Variants in CDKL5 observed in about 807,000 individuals in gnomAD.
CDKL5 encodes cyclin dependent kinase like 5, also known as cyclin-dependent kinase-like 5.
Under a neutral mutation model 61.7 loss-of-function variants are expected in CDKL5, and 8 were observed. The observed-to-expected ratio is 0.13, with a 90% CI of 0.08 to 0.23. The LOEUF is 0.23. Ranked by LOEUF, CDKL5 falls within the 10% of genes least tolerant of loss-of-function variation. The probability of loss-of-function intolerance (pLI) is 1.00; values close to 1 mark genes in which losing one functional copy is unlikely to be tolerated. For missense variants in CDKL5, 440 were observed against 734.5 expected, an observed-to-expected ratio of 0.60 and a Z score of 4.63; for synonymous variants, 275 against 272.3, an observed-to-expected ratio of 1.01 and a Z score of -0.10.
intron 1 of CDKL5, among the ~76,000 whole-genome samples, chrX:18,501,328 C>T (rs1271807955): frequency 9.1e-6 from 1 of 109,452 alleles, no homozygotes; most frequent in Non-Finnish European, 1.9e-5. Context: ...TGCCTGCCAC[C>T]GCACCTGGCT....
chrX:18,643,829 AATAT>A (rs755520723), downstream of CDKL5, among the ~76,000 whole-genome samples: 2 of 105,851 alleles, frequency 1.9e-5, no homozygotes, highest in African/African-American at 3.4e-5. Context: ...ATTCATAGCA[AATAT>A]ATATATATAT....
rs961667694 is a variant in CDKL5 at position 18,560,788 on chromosome X, C to T, written c.100-3689C>T. ...TTGATTCAAAAAATACACACACACA[C>T]ACACACACACACTCCTCTAAATATA... On this transcript the variant is annotated intron_variant, in intron 3 of 17. Coordinates refer to ENST00000623535, the MANE Select transcript of CDKL5 (RefSeq NM_001323289.2). Among the ~76,000 whole-genome samples, 3 of 110,925 alleles carry T rather than the reference C, an allele frequency of 2.7e-5. No individual in the cohort carries two copies. In the South Asian group the frequency reaches 1.1e-3, roughly 42 times the overall value.
chrX:18,650,313 G>A (rs2100001505), intron 20 of CDKL5: 6 of 786,366 alleles, frequency 7.6e-6, no homozygotes, highest in South Asian at 2.1e-5. Flanking sequence ...GGAAGGTGAC[G>A]CTCTCACTGT....
chrX:18,649,669 A>AC (rs779782471), intron 20 of CDKL5, among the ~76,000 whole-genome samples: 1 of 111,761 alleles, frequency 8.9e-6, no homozygotes, highest in Admixed American at 9.5e-5. Flanking sequence ...CCAGGACTCC[A>AC]CCCCAGAGCA....
At chrX:18,465,499 C>G (rs1457031783) in intron 1 of CDKL5, among the ~76,000 whole-genome samples, 1 of 110,550 alleles carries the variant, frequency 9.0e-6, no homozygotes, top group East Asian at 2.8e-4. Context: ...AACCCCGTCT[C>G]TACTAAAAAT....
intron 1 of CDKL5, among the ~76,000 whole-genome samples, chrX:18,454,495 A>G (rs1433175434): frequency 9.2e-6 from 1 of 108,126 alleles, no homozygotes; most frequent in Non-Finnish European, 1.9e-5. Flanking sequence ...TCGGCCTCCC[A>G]AAGTGCTGGG....
chrX:18,556,972 T>C (rs1350048033), intron 3 of CDKL5, among the ~76,000 whole-genome samples: 1 of 110,977 alleles, frequency 9.0e-6, no homozygotes, highest in Non-Finnish European at 1.9e-5. Context: ...TCTGTGTTTG[T>C]AGGGTTTTAC....
intron 1 of CDKL5, among the ~76,000 whole-genome samples, chrX:18,470,586 A>G (rs1415655840): frequency 2.7e-5 from 3 of 110,967 alleles, no homozygotes; most frequent in Non-Finnish European, 3.8e-5. Context: ...CACTGTGAGT[A>G]TTATGGGTAA....
intron 11 of CDKL5, among the ~76,000 whole-genome samples, chrX:18,600,089 C>T (rs1926131532): frequency 8.9e-6 from 1 of 112,170 alleles, no homozygotes; most frequent in African/African-American, 3.2e-5. Flanking sequence ...TGAGCCACCA[C>T]ACCTGGCCAA....
intron 1 of CDKL5, among the ~76,000 whole-genome samples, chrX:18,461,035 G>T (rs902650848): frequency 4.5e-5 from 5 of 112,323 alleles, no homozygotes; most frequent in Non-Finnish European, 9.4e-5. Flanking sequence ...ACAATGATTG[G>T]AGCAAAAGTT....
At chrX:18,474,687 A>G (rs1232423999) in intron 1 of CDKL5, among the ~76,000 whole-genome samples, 1 of 112,059 alleles carries the variant, frequency 8.9e-6, no homozygotes, top group Admixed American at 9.5e-5. Flanking sequence ...GTTTTGCTGT[A>G]CAGAATTGTG....
intron 15 of CDKL5, among the ~76,000 whole-genome samples, chrX:18,614,478 G>A (rs1470082908): frequency 8.9e-6 from 1 of 111,889 alleles, no homozygotes; most frequent in East Asian, 2.8e-4. Context: ...TTCCTCATGT[G>A]TAAAATAGGG....
At chrX:18,466,229 A>G (rs1920959901) in intron 1 of CDKL5, among the ~76,000 whole-genome samples, 1 of 111,830 alleles carries the variant, frequency 8.9e-6, no homozygotes, top group African/African-American at 3.2e-5. Flanking sequence ...TGAAAGATAA[A>G]AACTACACCC....
rs192973136 is a variant in CDKL5 at position 18,472,479 on chromosome X, T to C, written c.-162-34456T>C. Among the ~76,000 whole-genome samples the C allele has an allele frequency of 4.6e-4, 51 of 111,964 alleles. No homozygotes were observed. In the East Asian group the frequency reaches 0.013, roughly 29 times the overall value. Reference sequence around the variant, plus strand: ...TAACTTTTACATAGTCTTTGGTGGATTTAGGTTAAAAATACCCAAGCATGC... The same window carrying C: ...TAACTTTTACATAGTCTTTGGTGGACTTAGGTTAAAAATACCCAAGCATGC... On this transcript the variant is annotated intron_variant, in intron 1 of 17. Transcript: ENST00000623535.
intron 1 of CDKL5, among the ~76,000 whole-genome samples, chrX:18,460,375 C>A (rs959600295): frequency 1.8e-5 from 2 of 111,897 alleles, no homozygotes; most frequent in Middle Eastern, 4.6e-3. Flanking sequence ...TTAGAAACTG[C>A]ACCCATTGTC....
At chrX:18,494,788 T>C (rs1211054792) in intron 1 of CDKL5, among the ~76,000 whole-genome samples, 1 of 112,507 alleles carries the variant, frequency 8.9e-6, no homozygotes, top group Non-Finnish European at 1.9e-5. Flanking sequence ...TAACTCATGA[T>C]AATCAAATAT....
chrX:18,463,555 G>A (rs1166666081), intron 1 of CDKL5, among the ~76,000 whole-genome samples: 1 of 112,167 alleles, frequency 8.9e-6, no homozygotes, highest in Non-Finnish European at 1.9e-5. Flanking sequence ...TGATCAGTGT[G>A]CGTTTGGAAA....
At chrX:18,475,719 T>G (rs1196238952) in intron 1 of CDKL5, among the ~76,000 whole-genome samples, 1 of 112,698 alleles carries the variant, frequency 8.9e-6, no homozygotes, top group Non-Finnish European at 1.9e-5. Context: ...TTCTAATACT[T>G]AGTATTAATA....
chrX:18,584,463 A>G (rs1925580846), intron 8 of CDKL5, 110 bp downstream of exon 8: 2 of 560,591 alleles, frequency 3.6e-6, no homozygotes, highest in Non-Finnish European at 6.3e-6. Context: ...TAAATGTGTC[A>G]GTTACATATT....
Sources: allele counts gnomAD v4.1 joint callset (sites outside exome capture counted in the v4.1 genomes callset), GRCh38; gene constraint gnomAD v4.1.1; transcripts MANE v1.5; gene names NCBI Gene and HGNC (gene_info 2026-07-23, HGNC 2026-07-21).